YEATS2: variants seen among roughly 807,000 people sequenced by gnomAD.
YEATS2 encodes the protein YEATS domain containing 2, also known as YEATS domain-containing protein 2.
Under a neutral mutation model 163.2 loss-of-function variants are expected in YEATS2, and 77 were observed. The observed-to-expected ratio is 0.47, with a 90% CI of 0.39 to 0.57. The LOEUF is 0.57. YEATS2 is among the 20% of genes least tolerant of loss of function. The pLI is 0.00. For missense variants in YEATS2, 1,549 were observed against 1,729.8 expected (o/e 0.90, Z 1.85); for synonymous variants, 631 against 645.1 (o/e 0.98, Z 0.33).
intron 8 of YEATS2, among the ~76,000 whole-genome samples, chr3:183,737,092 T>A (rs1241073533): frequency 1.3e-5 from 2 of 152,200 alleles, no homozygotes; most frequent in Non-Finnish European, 2.9e-5. Context: ...AGAAAAGAAC[T>A]GTTATTAAGA....
intron 21 of YEATS2, 48 bp downstream of exon 21, chr3:183,791,028 TG>T: frequency 6.3e-7 from 1 of 1,587,648 alleles, no homozygotes; most frequent in Admixed American, 1.7e-5. Context: ...CTCATTGGGC[TG>T]GAATATTTTT....
intron 6 of YEATS2, among the ~76,000 whole-genome samples, chr3:183,727,025 T>C (rs1717178223): frequency 1.3e-5 from 2 of 152,154 alleles, no homozygotes. Context: ...GGTCTTGAAC[T>C]CATGAATTTG....
At chr3:183,788,558 A>G (rs990720254) in intron 20 of YEATS2, among the ~76,000 whole-genome samples, 1 of 152,244 alleles carries the variant, frequency 6.6e-6, no homozygotes, top group South Asian at 2.1e-4. Context: ...GGTGATGGAC[A>G]CTTAGGTTGA....
At chr3:183,760,722 AAT>A (rs563371357) in intron 13 of YEATS2, among the ~76,000 whole-genome samples, 50 of 152,162 alleles carry the variant, frequency 3.3e-4, no homozygotes, top group African/African-American at 1.2e-3. Flanking sequence ...TTTTATTGAA[AAT>A]TTTTCCTTTG....
At chr3:183,732,708 C>A (rs143849486) in intron 7 of YEATS2, among the ~76,000 whole-genome samples, 1,762 of 151,636 alleles carry the variant, frequency 0.012, 33 homozygotes, top group African/African-American at 0.04. Context: ...TACAGGCGCC[C>A]GCCACCACTC....
chr3:183,710,700 T>C (rs1363334015), intron 1 of YEATS2, among the ~76,000 whole-genome samples: 1 of 152,156 alleles, frequency 6.6e-6, no homozygotes, highest in Non-Finnish European at 1.5e-5. Flanking sequence ...GAGAGGGTTT[T>C]TTTTTTAAGT....
At chr3:183,746,407 G>T (rs151268833) in intron 8 of YEATS2, among the ~76,000 whole-genome samples, 1 of 152,122 alleles carries the variant, frequency 6.6e-6, no homozygotes, top group Non-Finnish European at 1.5e-5. Flanking sequence ...TTATAAGAAC[G>T]CTAAAAATGT....
chr3:183,796,710 G>A (rs572738293), intron 21 of YEATS2, among the ~76,000 whole-genome samples: 1 of 152,052 alleles, frequency 6.6e-6, no homozygotes, highest in African/African-American at 2.4e-5. Context: ...GAATGACAGT[G>A]TTTCACATCA....
At chr3:183,704,218 A>G (rs1714394122) in intron 1 of YEATS2, among the ~76,000 whole-genome samples, 1 of 150,612 alleles carries the variant, frequency 6.6e-6, no homozygotes, top group Non-Finnish European at 1.5e-5. Flanking sequence ...CCTTCGTTCT[A>G]GATCTCCCCA....
At position 183,804,125 on chromosome 3, in the gene YEATS2, G is replaced by A. The variant is rs1288390040; in HGVS notation, c.3721G>A (p.Glu1241Lys). The change falls in exon 27 of 31, where the codon GAG becomes AAG. Residue 1241 changes from glutamate to lysine, a missense_variant. Glu to Lys is a moderately conservative substitution (Grantham distance 56). Coordinates refer to ENST00000305135, the MANE Select transcript of YEATS2 (RefSeq NM_018023.5). ...TCATGGCTACACCCCACCGGACCCT[G>A]AGAGCCTGAGGAATGACGGGGACTC... is the stretch of plus-strand genomic sequence containing the variant. ...RCHGYTPPDP[E>K]SLRNDGDSIE... 1.2e-6 allele frequency: 2 copies of A among 1,614,056 alleles called. No individual in the cohort carries two copies. The highest frequency in any genetic ancestry group is 1.7e-6 in the Non-Finnish European group (2 of 1,180,054).
chr3:183,722,474 A>G (rs1716624217), intron 5 of YEATS2, among the ~76,000 whole-genome samples: 1 of 151,918 alleles, frequency 6.6e-6, no homozygotes. Flanking sequence ...TATTTTTAGT[A>G]GAGACGGGAT....
intron 19 of YEATS2, 82 bp from the exon 20 acceptor site, chr3:183,786,043 C>A: frequency 1.4e-6 from 2 of 1,460,544 alleles, no homozygotes; most frequent in South Asian, 1.3e-5. Context: ...AGTCATGGGG[C>A]GTATCTCAGC....
intron 27 of YEATS2, among the ~76,000 whole-genome samples, chr3:183,805,920 G>A (rs1399425344): frequency 6.6e-6 from 1 of 152,106 alleles, no homozygotes. Flanking sequence ...TGACTTCGCT[G>A]TGTAAGCTAC....
At chr3:183,799,092 A>G (rs1270111902) in intron 23 of YEATS2, 103 bp downstream of exon 23, 5 of 858,832 alleles carry the variant, frequency 5.8e-6, no homozygotes, top group East Asian at 4.9e-5. Flanking sequence ...GGACATTACC[A>G]TAATCTGAAT....
chr3:183,799,657 C>T (rs1171227401), intron 23 of YEATS2, among the ~76,000 whole-genome samples: 1 of 152,070 alleles, frequency 6.6e-6, no homozygotes, highest in Admixed American at 6.5e-5. Flanking sequence ...ATTGATAACA[C>T]CAGTGTCCAA....
intron 17 of YEATS2, among the ~76,000 whole-genome samples, chr3:183,775,648 G>A (rs1410512744): frequency 1.3e-5 from 2 of 152,106 alleles, no homozygotes; most frequent in African/African-American, 2.4e-5. Context: ...GATCTCCCAC[G>A]ACCACGTCAA....
intron 3 of YEATS2, 33 bp downstream of exon 3, chr3:183,717,781 AGCTATTG>A (rs1179679389): frequency 7.5e-7 from 1 of 1,334,670 alleles, no homozygotes. Context: ...TAAACACCAA[AGCTATTG>A]AAAAAAATGT....
At position 183,772,562 on chromosome 3, in the gene YEATS2, A is replaced by G. The variant is rs1253424101; in HGVS notation, c.2205A>G (p.Ser735=). 2 of 1,613,468 alleles carry G rather than the reference A, an allele frequency of 1.2e-6. No homozygotes were observed. The highest frequency in any genetic ancestry group is 1.7e-6 in the Non-Finnish European group (2 of 1,179,836). The change falls in exon 16 of 31, where the codon TCA becomes TCG. Residue 735 remains serine (S), a splice_region_variant and synonymous_variant. Coordinates refer to ENST00000305135, the MANE Select transcript of YEATS2 (RefSeq NM_018023.5). Reference sequence around the variant, plus strand: ...CTCAGAAGAGTGGATCCCAGGGTTCAGGTAAAACGGATCATCACTGGGAGC... The same window carrying G: ...CTCAGAAGAGTGGATCCCAGGGTTCGGGTAAAACGGATCATCACTGGGAGC... ...AGPQKSGSQG[S]VMATLQLPAT...
chr3:183,805,044 G>A (rs547827390), intron 27 of YEATS2, among the ~76,000 whole-genome samples: 9 of 151,470 alleles, frequency 5.9e-5, no homozygotes, highest in African/African-American at 1.9e-4. Flanking sequence ...GCCATGGGGT[G>A]TAGGAGCAAG....
Sources: gnomAD v4.1 joint callset for allele counts (sites outside exome capture counted in the v4.1 genomes callset) on GRCh38, gnomAD v4.1.1 for gene constraint, MANE v1.5 for transcripts, NCBI Gene and HGNC (gene_info 2026-07-23, HGNC 2026-07-21) for gene names.